Variants in CPLX1 observed in about 807,000 individuals in gnomAD.
CPLX1 encodes complexin-1.
A neutral mutation model predicts 15.6 loss-of-function variants in CPLX1; 6 were observed. The ratio of observed to expected loss-of-function variants is 0.39; its 90% CI spans 0.21 to 0.76. The LOEUF (loss-of-function observed/expected upper bound fraction) is 0.76. Among genes scored for constraint, CPLX1 ranks in the 30% least tolerant of loss-of-function variants. CPLX1 has a pLI of 0.43. For synonymous variants in CPLX1, 91 were observed against 75.2 expected (o/e 1.21, Z -1.08); for missense variants, 242 against 188.6 (o/e 1.28, Z -1.66).
At chr4:810,047 C>CTTTT (rs34354609) in intron 2 of CPLX1, among the ~76,000 whole-genome samples, 22 of 120,330 alleles carry the variant, frequency 1.8e-4, no homozygotes, top group South Asian at 2.8e-4. Context: ...TCTGCACTTT[C>CTTTT]TTTTTTTTTT....
chr4:824,842 G>T, intron 1 of CPLX1: 2 of 576,728 alleles, frequency 3.5e-6, no homozygotes, highest in Non-Finnish European at 6.5e-6. Flanking sequence ...GAGGGCTGCT[G>T]ATGGCTTAGG....
intron 2 of CPLX1, among the ~76,000 whole-genome samples, chr4:809,342 C>T (rs1011657748): frequency 2.6e-5 from 4 of 152,228 alleles, no homozygotes; most frequent in African/African-American, 9.6e-5. Flanking sequence ...TTCTCATTCT[C>T]CCCCAGAAAG....
Position 823,942 on chromosome 4 carries a change from C to T in CPLX1, c.31+550G>A, listed in dbSNP as rs543172263. Among the ~76,000 whole-genome samples the T allele has an allele frequency of 5.4e-4, 83 of 152,380 alleles. No individual in the cohort carries two copies. The Middle Eastern group carries it at 0.01, about 19-fold the overall frequency. ...ACAAGCTGTTTCGGGCCTTTTCCTT[C>T]GCTCCCGTAACCAGCAAGCCCTGGT... On this transcript the variant is annotated intron_variant, in intron 2 of 3. Coordinates refer to ENST00000304062, the MANE Select transcript of CPLX1 (RefSeq NM_006651.4).
At chr4:816,944 G>C (rs746365624) in intron 2 of CPLX1, among the ~76,000 whole-genome samples, 25 of 152,246 alleles carry the variant, frequency 1.6e-4, no homozygotes, top group Non-Finnish European at 3.2e-4. Flanking sequence ...GGCAAGTAGA[G>C]CTTACATCAT....
chr4:800,360 C>T (rs766397957), intron 2 of CPLX1, among the ~76,000 whole-genome samples: 6 of 152,098 alleles, frequency 3.9e-5, no homozygotes, highest in Non-Finnish European at 8.8e-5. Context: ...TTAGGCCGGG[C>T]GCAGTGGCTC....
At chr4:814,870 C>A (rs1460015470) in intron 2 of CPLX1, among the ~76,000 whole-genome samples, 1 of 152,312 alleles carries the variant, frequency 6.6e-6, no homozygotes, top group Non-Finnish European at 1.5e-5. Flanking sequence ...AGCCGTCCAC[C>A]AGGTGAAAGA....
Position 792,451 on chromosome 4 carries a change from G to A in CPLX1, c.189C>T (p.Arg63=), listed in dbSNP as rs1318711981. ...AKMEAEREAV[R]QGIRDKYGIK... is the part of the protein sequence containing the mutation. ...CGCGCACCTTGTCTCGGATGCCCTG[G>A]CGCACGGCCTCGCGCTCCGCCTCCA... Residue 63 remains arginine (R), a synonymous_variant, in exon 3 of 4, where the codon CGC becomes CGT. Transcript: ENST00000304062. The A allele has an allele frequency of 6.3e-7, 1 of 1,599,710 alleles. No homozygotes were observed. Among genetic ancestry groups the A allele is most frequent in the Non-Finnish European group, 8.5e-7 (1 of 1,173,722 alleles).
chr4:793,189 C>T (rs1746236790), intron 2 of CPLX1, among the ~76,000 whole-genome samples: 1 of 152,182 alleles, frequency 6.6e-6, no homozygotes, highest in Non-Finnish European at 1.5e-5. Flanking sequence ...GCGGTTCAGC[C>T]ATCTATGCAG....
rs748863580 is a variant in CPLX1 at position 786,464 on chromosome 4, G to A, written c.*37C>T. On this transcript the variant is annotated 3_prime_UTR_variant, in exon 4 of 4. Transcript: ENST00000304062. ...CTCCGCGGAGGATCTGTAGGGGGAG[G>A]GGCGGGGGCTCCGCGGGGCCGCTGT... 1.7e-5 allele frequency: 25 copies of A among 1,513,736 alleles called. No individual in the cohort carries two copies. The highest frequency in any genetic ancestry group is 2.1e-5 in the Non-Finnish European group (24 of 1,126,032). 93.8% of individuals were successfully genotyped at this position (1,513,736 alleles called of 1,614,324 possible).
chr4:786,334 G>T lies in CPLX1; in HGVS notation c.*167C>A. The T allele has an allele frequency of 5.0e-6, 3 of 603,832 alleles. No homozygotes were observed. The highest frequency in any genetic ancestry group is 7.8e-6 in the Non-Finnish European group (3 of 383,808). The allele number at this position is 603,832 out of a possible 1,614,324, so 37.4% of individuals were successfully genotyped here. On this transcript the variant is annotated 3_prime_UTR_variant, in exon 4 of 4. Coordinates refer to ENST00000304062, the MANE Select transcript of CPLX1 (RefSeq NM_006651.4). ...GGCGGACTGGGGGGGTCCTGGGGGCGCGCGCCCCTTGCCGGGTGAGGGAGG... is the reference window on the plus strand; with the variant it reads ...GGCGGACTGGGGGGGTCCTGGGGGCTCGCGCCCCTTGCCGGGTGAGGGAGG...
intron 2 of CPLX1, among the ~76,000 whole-genome samples, chr4:811,921 T>C (rs1746671565): frequency 6.6e-6 from 1 of 152,200 alleles, no homozygotes; most frequent in Admixed American, 6.5e-5. Context: ...GTCCTCTTGA[T>C]TAGCTGACCT....
chr4:799,310 C>T (rs551935772), intron 2 of CPLX1, among the ~76,000 whole-genome samples: 5 of 152,344 alleles, frequency 3.3e-5, no homozygotes, highest in African/African-American at 9.6e-5. Context: ...ACGGGGACGT[C>T]CATGCTTCTT....
At chr4:789,309 G>A (rs1746096001) in intron 3 of CPLX1, among the ~76,000 whole-genome samples, 1 of 152,058 alleles carries the variant, frequency 6.6e-6, no homozygotes, top group African/African-American at 2.4e-5. Context: ...TAACACCTGA[G>A]GATGGGAGTG....
rs1001119895 is a variant in CPLX1 at position 798,451 on chromosome 4, G to C, written c.32-5843C>G. Among the ~76,000 whole-genome samples the C allele has an allele frequency of 2.6e-5, 4 of 152,146 alleles. No homozygotes were observed. The East Asian group carries it at 5.8e-4, about 22-fold the overall frequency. On this transcript the variant is annotated intron_variant, in intron 2 of 3. Coordinates refer to ENST00000304062, the MANE Select transcript of CPLX1 (RefSeq NM_006651.4). ...TTCTTAGACAGGGTCTTGCTCCGTT[G>C]CCCAGGCTGCAATGCAGAGGCTCAA... is the stretch of plus-strand genomic sequence containing the variant.
At chr4:812,114 A>C (rs1302970087) in intron 2 of CPLX1, among the ~76,000 whole-genome samples, 1 of 152,044 alleles carries the variant, frequency 6.6e-6, no homozygotes, top group Non-Finnish European at 1.5e-5. Context: ...TTGCTCTGTC[A>C]CCCAGGTTGG....
chr4:786,548 C>G lies in CPLX1; in HGVS notation c.358G>C (p.Val120Leu). 1 of 1,607,430 alleles carries G rather than the reference C, an allele frequency of 6.2e-7. No individual in the cohort carries two copies. Among genetic ancestry groups the G allele is most frequent in the Non-Finnish European group, 8.5e-7 (1 of 1,177,128 alleles). The change falls in exon 4 of 4, where the codon GTC (valine) becomes CTC (leucine). Residue 120 changes from valine (V) to leucine (L), a missense_variant. Transcript: ENST00000304062. ...EEEDESILDT[V>L]IKYLPGPLQD... ...AGCGGCCCGGGCAGGTACTTGATGACGGTGTCCAGGATGCTCTCGTCCTCC... is the reference window on the plus strand; with the variant it reads ...AGCGGCCCGGGCAGGTACTTGATGAGGGTGTCCAGGATGCTCTCGTCCTCC...
intron 2 of CPLX1, among the ~76,000 whole-genome samples, chr4:813,171 A>G (rs1380129998): frequency 6.6e-6 from 1 of 151,282 alleles, no homozygotes; most frequent in Non-Finnish European, 1.5e-5. Flanking sequence ...AGGGTGAGGC[A>G]GGAGAATTGC....
At position 804,936 on chromosome 4, in the gene CPLX1, T is replaced by C. The variant is rs916799455; in HGVS notation, c.32-12328A>G. 2.6e-5 allele frequency: 25 copies of C among 954,054 alleles called. 1 individual carries two copies. In the Admixed American group the frequency reaches 1.4e-3, roughly 55 times the overall value. 59.1% of individuals were successfully genotyped at this position (954,054 alleles called of 1,614,324 possible). On this transcript the variant is annotated intron_variant, in intron 2 of 3. Transcript: ENST00000304062. ...AACGCAGTGCGTCGCCGCGAGCACG[T>C]GCGGAGTTCACCCGGCGTCCCACTC...
At chr4:792,931 G>T (rs765213031) in intron 2 of CPLX1, among the ~76,000 whole-genome samples, 1 of 152,150 alleles carries the variant, frequency 6.6e-6, no homozygotes, top group Non-Finnish European at 1.5e-5. Context: ...GTGCTTATGC[G>T]TACGTGTGGC....
Sources: gnomAD v4.1 joint callset for allele counts (sites outside exome capture counted in the v4.1 genomes callset) on GRCh38, gnomAD v4.1.1 for gene constraint, MANE v1.5 for transcripts, NCBI Gene and HGNC (gene_info 2026-07-23, HGNC 2026-07-21) for gene names.